The following KDM1A variants were observed in gnomAD, a reference collection of about 807,000 sequenced individuals.
The protein encoded by KDM1A is lysine-specific histone demethylase 1A.
Under a neutral mutation model 109.4 loss-of-function variants are expected in KDM1A, and 49 were observed. The ratio of observed to expected loss-of-function variants is 0.45; its 90% CI spans 0.36 to 0.57. The LOEUF is 0.57. Ranked by LOEUF, KDM1A falls within the 20% of genes least tolerant of loss-of-function variation. The pLI is 0.00. For synonymous variants in KDM1A, 380 were observed against 415.4 expected, an observed-to-expected ratio of 0.91 and a Z score of 1.04; for missense variants, 668 against 1,116.6, an observed-to-expected ratio of 0.60 and a Z score of 5.73.
At chr1:23,029,681 C>T (rs189625927) in intron 1 of KDM1A, among the ~76,000 whole-genome samples, 1 of 151,994 alleles carries the variant, frequency 6.6e-6, no homozygotes, top group Non-Finnish European at 1.5e-5. Flanking sequence ...ACTCTGTTGC[C>T]CAGGCTGCAG....
chr1:23,048,619 T>C (rs1335530434), intron 3 of KDM1A, among the ~76,000 whole-genome samples: 1 of 152,214 alleles, frequency 6.6e-6, no homozygotes, highest in Admixed American at 6.5e-5. Context: ...GTGTGGCCCA[T>C]GATTGGCATT....
chr1:23,076,808 A>G (rs1434138070), intron 15 of KDM1A, among the ~76,000 whole-genome samples: 1 of 152,094 alleles, frequency 6.6e-6, no homozygotes, highest in Non-Finnish European at 1.5e-5. Flanking sequence ...CTAAAAATAC[A>G]AAAACTAGCG....
In KDM1A at chr1:23,083,480, T is replaced by A; in HGVS notation, c.*116T>A. 1 of 1,015,884 alleles carries A rather than the reference T, an allele frequency of 9.8e-7. No homozygotes were observed. Among genetic ancestry groups the A allele is most frequent in the African/African-American group, 1.6e-5 (1 of 62,004 alleles). The allele number at this position is 1,015,884 out of a possible 1,614,324, so 62.9% of individuals were successfully genotyped here. ...TCCACCCTGGCATCTGGGCTCCTGA[T>A]CAGCTGATGGAGCTCCTGATTTGAC... On this transcript the variant is annotated 3_prime_UTR_variant, in exon 21 of 21. Coordinates refer to ENST00000400181, the MANE Select transcript of KDM1A (RefSeq NM_001009999.3).
chr1:23,042,821 T>C (rs1004303200), intron 2 of KDM1A, among the ~76,000 whole-genome samples: 3 of 151,828 alleles, frequency 2.0e-5, no homozygotes, highest in Admixed American at 6.6e-5. Flanking sequence ...TGATCTTGAC[T>C]CACTGCAGCC....
chr1:23,044,082 C>A (rs985439200), intron 2 of KDM1A, among the ~76,000 whole-genome samples: 7 of 152,172 alleles, frequency 4.6e-5, no homozygotes, highest in African/African-American at 1.7e-4. Context: ...GCTCCATTTT[C>A]AGTCTAGCAG....
At chr1:23,029,794 C>A (rs1365938994) in intron 1 of KDM1A, among the ~76,000 whole-genome samples, 1 of 152,138 alleles carries the variant, frequency 6.6e-6, no homozygotes, top group African/African-American at 2.4e-5. Flanking sequence ...TGCCTGCCAA[C>A]ACACCCAGCT....
At chr1:23,035,192 A>C (rs1303199580) in intron 2 of KDM1A, among the ~76,000 whole-genome samples, 1 of 152,000 alleles carries the variant, frequency 6.6e-6, no homozygotes, top group African/African-American at 2.4e-5. Flanking sequence ...AAAGAGATGT[A>C]GGCTGTTTTT....
rs1472066136 is a variant in KDM1A at position 23,072,168 on chromosome 1, A to C, written c.1593A>C (p.Lys531Asn). Residue 531 changes from lysine (K) to asparagine (N), a missense_variant, in exon 14 of 21, where the codon AAA (lysine) becomes AAC (asparagine). By Grantham distance (94) the Lys-to-Asn change is moderately conservative. Coordinates refer to ENST00000400181, the MANE Select transcript of KDM1A (RefSeq NM_001009999.3). ...LAETQGKLEE[K>N]LQELEANPPS... Reference sequence around the variant, plus strand: ...AAACACAAGGAAAGCTAGAAGAAAAACTTCAGGAGTTGGAAGCGAATCCCC... The same window carrying C: ...AAACACAAGGAAAGCTAGAAGAAAACCTTCAGGAGTTGGAAGCGAATCCCC... The C allele has an allele frequency of 1.2e-6, 2 of 1,611,566 alleles. No individual in the cohort carries two copies. The highest frequency in any genetic ancestry group is 1.7e-4 in the Middle Eastern group (1 of 6,058).
intron 3 of KDM1A, among the ~76,000 whole-genome samples, chr1:23,048,458 A>G (rs649648): frequency 0.8 from 122,317 of 152,040 alleles, 49,605 homozygotes; most frequent in Non-Finnish European, 0.83. Flanking sequence ...GGAATAAATT[A>G]TCCTGACAGT....
chr1:23,078,429 G>A (rs1341342977), intron 16 of KDM1A, among the ~76,000 whole-genome samples: 3 of 151,988 alleles, frequency 2.0e-5, no homozygotes, highest in South Asian at 2.1e-4. Context: ...CGAGGAAAAC[G>A]ATGTTAACAT....
intron 6 of KDM1A, 154 bp downstream of exon 6, chr1:23,055,315 A>G (rs888374013): frequency 1.1e-5 from 4 of 365,476 alleles, no homozygotes; most frequent in Non-Finnish European, 9.6e-6. Flanking sequence ...GTCAAGTTAA[A>G]TATAATAAAT....
At chr1:23,078,907 C>G (rs143158658) in intron 16 of KDM1A, 83 bp from the exon 17 acceptor site, 6 of 1,136,474 alleles carry the variant, frequency 5.3e-6, no homozygotes, top group Non-Finnish European at 7.5e-6. Flanking sequence ...AAATGGATGT[C>G]CATCTGTTGT....
rs1553127469 is a variant in KDM1A at position 23,042,441 on chromosome 1, T to TTATTATTATTA, written c.518-1985_518-1984insATTATTATTAT. ...TTTTAAAAATCTATGAAATATATTA[T>TTATTATTATTA]TTTTTTTTTTTTTTTTTTTTTTTTT... is the stretch of plus-strand genomic sequence containing the variant. On this transcript the variant is annotated intron_variant, in intron 2 of 20. Transcript: ENST00000400181. Among the ~76,000 whole-genome samples, 148 of 24,210 alleles carry TTATTATTATTA rather than the reference T, an allele frequency of 6.1e-3. 2 individuals are homozygous for TTATTATTATTA. The highest frequency in any genetic ancestry group is 7.0e-3 in the East Asian group (5 of 716). The allele number at this position is 24,210 out of a possible 152,430, so 15.9% of individuals were successfully genotyped here.
chr1:23,071,508 T>C (rs765363936), intron 13 of KDM1A, 149 bp downstream of exon 13: 3 of 662,958 alleles, frequency 4.5e-6, no homozygotes, highest in Non-Finnish European at 7.6e-6. Flanking sequence ...GCCATGGGGA[T>C]TTAATGGGTT....
At position 23,083,282 on chromosome 1, in the gene KDM1A, C is replaced by G; in HGVS notation, c.2549C>G (p.Ala850Gly). The G allele has an allele frequency of 5.0e-6, 8 of 1,613,922 alleles. No homozygotes were observed. The highest frequency in any genetic ancestry group is 6.8e-6 in the Non-Finnish European group (8 of 1,179,978). Reference sequence around the variant, plus strand: ...GGGCTGCGAGAAGCGGGAAGAATTGCAGACCAGTTTTTGGGGGCCATGTAT... The same window carrying G: ...GGGCTGCGAGAAGCGGGAAGAATTGGAGACCAGTTTTTGGGGGCCATGTAT... ...LSGLREAGRIADQFLGAMYTL... is the reference protein window; with the variant it reads ...LSGLREAGRIGDQFLGAMYTL... The change falls in exon 21 of 21, where the codon GCA becomes GGA. Residue 850 changes from alanine (A) to glycine (G), a missense_variant. Transcript: ENST00000400181.
chr1:23,022,684 C>T (rs1304144097), intron 1 of KDM1A, among the ~76,000 whole-genome samples: 4 of 102,868 alleles, frequency 3.9e-5, no homozygotes, highest in Admixed American at 1.4e-4. Flanking sequence ...CTGAGACAGT[C>T]TCTCTCTGTC....
intron 16 of KDM1A, among the ~76,000 whole-genome samples, 187 bp downstream of exon 16, chr1:23,077,547 G>T (rs1643501501): frequency 6.6e-6 from 1 of 152,112 alleles, no homozygotes; most frequent in Admixed American, 6.5e-5. Context: ...TTTATAAACT[G>T]GGAAATCGAA....
chr1:23,059,295 T>C, intron 9 of KDM1A, 128 bp downstream of exon 9: 1 of 760,454 alleles, frequency 1.3e-6, no homozygotes, highest in Non-Finnish European at 2.4e-6. Context: ...AAACTGAGGG[T>C]AGAGATGATG....
intron 2 of KDM1A, among the ~76,000 whole-genome samples, chr1:23,038,293 A>C (rs1317744905): frequency 6.8e-6 from 1 of 147,482 alleles, no homozygotes; most frequent in Non-Finnish European, 1.5e-5. Flanking sequence ...TGTGTGTGTA[A>C]AACTTAAATC....
Sources: allele counts gnomAD v4.1 joint callset (sites outside exome capture counted in the v4.1 genomes callset), GRCh38; gene constraint gnomAD v4.1.1; transcripts MANE v1.5; gene names NCBI Gene and HGNC (gene_info 2026-07-23, HGNC 2026-07-21).